BPIFB3: variants seen among roughly 807,000 people sequenced by gnomAD.
The protein encoded by BPIFB3 is BPI fold containing family B member 3.
A neutral mutation model predicts 53.1 loss-of-function variants in BPIFB3; 49 were observed. The ratio of observed to expected loss-of-function variants is 0.92; its 90% CI spans 0.73 to 1.17. BPIFB3 has a LOEUF of 1.17. Among genes scored for constraint, BPIFB3 ranks in the 50% most tolerant of loss-of-function variants. The pLI is 0.00. For missense variants in BPIFB3, 628 were observed against 592.5 expected, an observed-to-expected ratio of 1.06 and a Z score of -0.62; for synonymous variants, 271 against 269.6, an observed-to-expected ratio of 1.01 and a Z score of -0.05.
intron 8 of BPIFB3, among the ~76,000 whole-genome samples, chr20:33,066,124 G>A (rs1006892942): frequency 8.5e-5 from 13 of 152,180 alleles, no homozygotes; most frequent in African/African-American, 2.7e-4. Flanking sequence ...TCTGAGAAGT[G>A]GGCATATGTA....
chr20:33,068,883 C>T (rs952231798), exon 10 of BPIFB3: 2 of 1,613,962 alleles, frequency 1.2e-6, no homozygotes, highest in African/African-American at 2.7e-5. Context: ...CACTCCACAA[C>T]AAGAAGGCCT....
In BPIFB3 at chr20:33,064,667, CT is replaced by C; in HGVS notation, c.747del (p.Ile250SerfsTer2). The C allele has an allele frequency of 6.2e-7, 1 of 1,613,744 alleles. No individual in the cohort carries two copies. The highest frequency in any genetic ancestry group is 8.5e-7 in the Non-Finnish European group (1 of 1,179,784). ...CGGCCCTGTTTCCTGCCCCTGCAGCCTATCGTGAAGAGTGTAGCTGGTGATA... is the reference window on the plus strand; with the variant it reads ...CGGCCCTGTTTCCTGCCCCTGCAGCCATCGTGAAGAGTGTAGCTGGTGATA... On this transcript the variant is annotated frameshift_variant and splice_region_variant, in exon 8 of 15. Transcript: ENST00000375494. LOFTEE classifies it high-confidence loss of function.
intron 6 of BPIFB3, 26 bp from the exon 8 acceptor site, chr20:33,064,431 G>A (rs573259405): frequency 4.0e-5 from 64 of 1,593,730 alleles, no homozygotes; most frequent in African/African-American, 3.4e-4. Context: ...TTATAGGGTC[G>A]TTCTCGCCCC....
chr20:33,054,907 G>C (rs1600533856), upstream of BPIFB3, among the ~76,000 whole-genome samples: 1 of 152,198 alleles, frequency 6.6e-6, no homozygotes, highest in Non-Finnish European at 1.5e-5. Context: ...TCTAAGTGTT[G>C]GGTGTCCCCA....
At chr20:33,073,749 T>TCCA (rs1156840523), downstream of BPIFB3, 1 of 920,070 alleles carries the variant, frequency 1.1e-6, no homozygotes, top group African/African-American at 1.7e-5. Flanking sequence ...AAGTTTGGGG[T>TCCA]GGGAACTGCC....
intron 12 of BPIFB3, 47 bp from the exon 14 acceptor site, chr20:33,072,057 C>A: frequency 6.2e-7 from 1 of 1,600,034 alleles, no homozygotes; most frequent in Non-Finnish European, 8.6e-7. Context: ...GCCTGTAAAG[C>A]CACACCCCAG....
At position 33,056,511 on chromosome 20, in the gene BPIFB3, T is replaced by C. The variant is rs763048435; in HGVS notation, c.125-31T>C. 3.7e-6 allele frequency: 6 copies of C among 1,612,760 alleles called. No homozygotes were observed. In the African/African-American group the frequency reaches 8.0e-5, roughly 22 times the overall value. On this transcript the variant is annotated intron_variant, in intron 1 of 14. Coordinates refer to ENST00000375494, the Ensembl canonical transcript of BPIFB3. ...GTCCTGGGGGTGAGGTTGGAGTTTCTAGTACCTTCCTACTTCCACTCTCTC... is the reference window on the plus strand; with the variant it reads ...GTCCTGGGGGTGAGGTTGGAGTTTCCAGTACCTTCCTACTTCCACTCTCTC...
chr20:33,061,911 G>T, intron 5 of BPIFB3, 80 bp downstream of exon 6: 1 of 1,530,422 alleles, frequency 6.5e-7, no homozygotes, highest in Non-Finnish European at 9.0e-7. Context: ...GTGAAGTTTG[G>T]CGCCAGGCAG....
chr20:33,055,644 G>A (rs760971856), intron 1 of BPIFB3, 97 bp downstream of exon 2: 340 of 1,554,570 alleles, frequency 2.2e-4, no homozygotes, highest in Non-Finnish European at 2.9e-4. Flanking sequence ...GATAAGAGCA[G>A]GTTGTGATTC....
In BPIFB3 at chr20:33,062,847, C is replaced by G. The variant is rs1980512783; in HGVS notation, c.592-768C>G. Among the ~76,000 whole-genome samples, 3 of 152,184 alleles carry G rather than the reference C, an allele frequency of 2.0e-5. No homozygotes were observed. The South Asian group carries it at 6.2e-4, about 32-fold the overall frequency. On this transcript the variant is annotated intron_variant, in intron 5 of 14. Transcript: ENST00000375494. ...CCATCCCCAGCAGAGCCCCTCTGGT[C>G]TCCTCTCATTTCTGTGACTTGCCTG...
In BPIFB3 at chr20:33,056,709, C is replaced by A; in HGVS notation, c.281+11C>A. 6.4e-7 allele frequency: 1 copy of A among 1,566,904 alleles called. No homozygotes were observed. The highest frequency in any genetic ancestry group is 8.6e-7 in the Non-Finnish European group (1 of 1,158,866). On this transcript the variant is annotated intron_variant, in intron 2 of 14. Transcript: ENST00000375494. ...CGAGGAGCTCTCTGGGTGAGTCCCA[C>A]CTGCTGCATGCCCTACAGGAAGACT...
At chr20:33,071,609 C>T (rs1980898063) in intron 12 of BPIFB3, among the ~76,000 whole-genome samples, 1 of 152,176 alleles carries the variant, frequency 6.6e-6, no homozygotes, top group Admixed American at 6.5e-5. Context: ...TCTGGAACTT[C>T]TCCCAAGTAA....
intron 2 of BPIFB3, 57 bp from the exon 4 acceptor site, chr20:33,059,321 G>T: frequency 7.3e-7 from 1 of 1,376,402 alleles, no homozygotes; most frequent in Non-Finnish European, 1.0e-6. Flanking sequence ...CACTCTGGGC[G>T]CCGCCTGGGC....
chr20:33,072,677 C>A (rs1479682968), intron 13 of BPIFB3, 40 bp from the exon 15 acceptor site: 1 of 1,567,706 alleles, frequency 6.4e-7, no homozygotes, highest in East Asian at 2.2e-5. Context: ...AAGAGCTCCC[C>A]ACCAATGTAC....
At chr20:33,071,859 A>G (rs1568996971) in intron 12 of BPIFB3, among the ~76,000 whole-genome samples, 1 of 152,162 alleles carries the variant, frequency 6.6e-6, no homozygotes, top group Non-Finnish European at 1.5e-5. Context: ...ATAGGAAGGC[A>G]CTTCTTCCAA....
chr20:33,069,991 G>A (rs1248909861), intron 11 of BPIFB3, 36 bp downstream of exon 12: 4 of 1,603,802 alleles, frequency 2.5e-6, no homozygotes, highest in Non-Finnish European at 8.5e-7. Flanking sequence ...TCTTGTTCTT[G>A]TCTTTAGGAA....
chr20:33,069,357 C>T (rs1275881989), intron 10 of BPIFB3, among the ~76,000 whole-genome samples: 1 of 152,180 alleles, frequency 6.6e-6, no homozygotes, highest in Non-Finnish European at 1.5e-5. Context: ...TGGACCGAGG[C>T]AGGCCCCTCC....
At position 33,061,780 on chromosome 20, in the gene BPIFB3, A is replaced by G. The variant is rs765600476; in HGVS notation, c.540A>G (p.Thr180=). ...TCCCTCTGCTCAGGCTGCTGCCCAC[A>G]CCACTCTTTGGGGTCGTGGAACAGA... Residue 180 remains threonine (T), a synonymous_variant, in exon 5 of 15, where the codon ACA becomes ACG. Coordinates refer to ENST00000375494, the Ensembl canonical transcript of BPIFB3. 17 of 1,613,976 alleles carry G rather than the reference A, an allele frequency of 1.1e-5. No homozygotes were observed. The Middle Eastern group carries it at 4.9e-4, about 47-fold the overall frequency.
At chr20:33,072,064 C>G (rs1454988488) in intron 12 of BPIFB3, 40 bp from the exon 14 acceptor site, 2 of 1,609,158 alleles carry the variant, frequency 1.2e-6, no homozygotes, top group African/African-American at 2.7e-5. Flanking sequence ...AAGCCACACC[C>G]CAGAGCACCA....
Sources: gnomAD v4.1 joint callset for allele counts (sites outside exome capture counted in the v4.1 genomes callset) on GRCh38, gnomAD v4.1.1 for gene constraint, MANE v1.5 for transcripts, NCBI Gene and HGNC (gene_info 2026-07-23, HGNC 2026-07-21) for gene names.